Variants in PARD3 observed in about 807,000 individuals in gnomAD.
PARD3 encodes partitioning defective 3 homolog.
Under a neutral mutation model 155.4 loss-of-function variants are expected in PARD3, and 75 were observed. The observed-to-expected ratio is 0.48, with a 90% CI of 0.40 to 0.58. The LOEUF (loss-of-function observed/expected upper bound fraction) is 0.58. Among genes scored for constraint, PARD3 ranks in the 20% least tolerant of loss-of-function variants. The probability of loss-of-function intolerance (pLI) is 0.00; values close to 1 mark genes in which losing one functional copy is unlikely to be tolerated. For missense variants in PARD3, 1,642 were observed against 1,721.7 expected (o/e 0.95, Z 0.82); for synonymous variants, 576 against 610.5 (o/e 0.94, Z 0.83).
intron 22 of PARD3, among the ~76,000 whole-genome samples, chr10:34,249,050 C>CT (rs148069451): frequency 0.035 from 5,357 of 152,148 alleles, 131 homozygotes; most frequent in Non-Finnish European, 0.052. Flanking sequence ...GTGTTTGAAA[C>CT]AGAAATCTAG....
chr10:34,795,977 CAT>C (rs779244594), intron 1 of PARD3, among the ~76,000 whole-genome samples: 12 of 152,114 alleles, frequency 7.9e-5, no homozygotes, highest in African/African-American at 1.7e-4. Flanking sequence ...TGAATTGACA[CAT>C]AGAGACATTG....
rs1478119818 is a variant in PARD3, at chr10:34,602,231, A to G, written c.223-85072T>C. 3.9e-5 allele frequency among the ~76,000 whole-genome samples: 6 copies of G among 152,302 alleles called. No individual in the cohort carries two copies. The East Asian group carries it at 1.2e-3, about 29-fold the overall frequency. On this transcript the variant is annotated intron_variant, in intron 2 of 24. Transcript: ENST00000374788. The stretch of plus-strand genomic sequence containing the variant: ...ACTGGACAGATCAATATATGTTTAC[A>G]CTTTTCACTTTTCAAAAAAAATTTC...
intron 4 of PARD3, 64 bp from the exon 5 acceptor site, chr10:34,450,512 C>G (rs2076998670): frequency 6.8e-7 from 1 of 1,468,722 alleles, no homozygotes; most frequent in African/African-American, 1.4e-5. Flanking sequence ...AGTAATGCAC[C>G]TGGTTTTTCA....
In PARD3 at chr10:34,305,201, G is replaced by C. The variant is rs890440674; in HGVS notation, c.3065+11906C>G. On this transcript the variant is annotated intron_variant, in intron 20 of 24. Transcript: ENST00000374788. ...TATAAATATTATAAATGTCATGGGA[G>C]AAGAAACTAAGAAGGTGAGGTTGTC... 2.0e-5 allele frequency among the ~76,000 whole-genome samples: 3 copies of C among 152,194 alleles called. No homozygotes were observed. In the East Asian group the frequency reaches 5.8e-4, roughly 29 times the overall value.
At chr10:34,290,985 C>A (rs994212034) in intron 20 of PARD3, among the ~76,000 whole-genome samples, 19 of 152,182 alleles carry the variant, frequency 1.2e-4, no homozygotes, top group African/African-American at 4.3e-4. Context: ...TTCCTCTATT[C>A]CTCTGAGTCA....
At chr10:34,288,499 C>T (rs1956512239) in intron 20 of PARD3, among the ~76,000 whole-genome samples, 1 of 152,154 alleles carries the variant, frequency 6.6e-6, no homozygotes, top group Non-Finnish European at 1.5e-5. Context: ...CATATTCACC[C>T]TAATAGCCAA....
At chr10:34,681,731 TA>T (rs1343446934) in intron 2 of PARD3, among the ~76,000 whole-genome samples, 1,543 of 12,548 alleles carry the variant, frequency 0.12, 41 homozygotes, top group South Asian at 0.21. Context: ...GTATGTATTT[TA>T]TATATATATA....
intron 2 of PARD3, among the ~76,000 whole-genome samples, chr10:34,673,676 A>G (rs956741998): frequency 1.3e-5 from 2 of 152,250 alleles, no homozygotes; most frequent in Admixed American, 6.5e-5. Context: ...ACACAATACA[A>G]GTATCCACAC....
chr10:34,113,596 T>G (rs1343918439), intron 24 of PARD3, among the ~76,000 whole-genome samples: 2 of 151,748 alleles, frequency 1.3e-5, no homozygotes, highest in African/African-American at 4.8e-5. Flanking sequence ...TGCTCTTGAT[T>G]AAGGAGAGAA....
At chr10:34,552,002 C>T (rs1406527694) in intron 2 of PARD3, among the ~76,000 whole-genome samples, 1 of 152,212 alleles carries the variant, frequency 6.6e-6, no homozygotes, top group Admixed American at 6.5e-5. Context: ...AAGGAAGATT[C>T]CACATAATAG....
intron 1 of PARD3, among the ~76,000 whole-genome samples, chr10:34,728,081 T>C (rs978846113): frequency 1.3e-5 from 2 of 152,224 alleles, no homozygotes; most frequent in African/African-American, 2.4e-5. Context: ...TATTAGACTC[T>C]AGGCATTTCG....
chr10:34,383,079 A>C (rs1842014267), intron 8 of PARD3, among the ~76,000 whole-genome samples, 157 bp from the exon 9 acceptor site: 1 of 152,232 alleles, frequency 6.6e-6, no homozygotes, highest in African/African-American at 2.4e-5. Context: ...TCAAGTTTGC[A>C]GCTCTGATCT....
intron 1 of PARD3, among the ~76,000 whole-genome samples, chr10:34,752,619 C>T (rs1396101855): frequency 6.6e-6 from 1 of 151,498 alleles, no homozygotes; most frequent in Non-Finnish European, 1.5e-5. Context: ...TTTGTGTGAT[C>T]AAGTGTAATC....
rs745637071 is a variant in PARD3, at chr10:34,447,480, C to CAAAA, written c.714+2833_714+2836dup. ...TGGGCAACAGAGCAAGACTGCGTCT[C>CAAAA]AAAAAAAAAAAAAAAAAAAAAAAAA... On this transcript the variant is annotated intron_variant, in intron 5 of 24. Transcript: ENST00000374788. 2.7e-3 allele frequency among the ~76,000 whole-genome samples: 102 copies of CAAAA among 37,212 alleles called. 22 individuals are homozygous for CAAAA. Among genetic ancestry groups the CAAAA allele is most frequent in the Non-Finnish European group, 3.5e-3 (73 of 20,576 alleles). 24.4% of individuals were successfully genotyped at this position (37,212 alleles called of 152,430 possible).
intron 1 of PARD3, among the ~76,000 whole-genome samples, chr10:34,759,886 G>A (rs1433744727): frequency 1.3e-5 from 2 of 152,144 alleles, no homozygotes; most frequent in Admixed American, 6.5e-5. Flanking sequence ...ATACTGCTGC[G>A]CTTTCTGATT....
At chr10:34,464,680 A>T (rs954932709) in intron 4 of PARD3, among the ~76,000 whole-genome samples, 2 of 152,210 alleles carry the variant, frequency 1.3e-5, no homozygotes, top group Non-Finnish European at 2.9e-5. Context: ...TAAGAACTCA[A>T]CACATAATAT....
intron 1 of PARD3, among the ~76,000 whole-genome samples, chr10:34,744,827 C>A (rs913694334): frequency 3.9e-5 from 6 of 152,186 alleles, no homozygotes; most frequent in African/African-American, 1.4e-4. Context: ...ATCTGAGTGT[C>A]CTGTCTGATA....
At chr10:34,772,548 T>C (rs1234904976) in intron 1 of PARD3, among the ~76,000 whole-genome samples, 1 of 151,024 alleles carries the variant, frequency 6.6e-6, no homozygotes, top group Admixed American at 6.6e-5. Context: ...TCCCAGCACT[T>C]TGGGAGGCTG....
At chr10:34,588,004 T>G (rs1032041472) in intron 2 of PARD3, among the ~76,000 whole-genome samples, 2 of 152,154 alleles carry the variant, frequency 1.3e-5, no homozygotes, top group Non-Finnish European at 2.9e-5. Flanking sequence ...CATTCTGCAT[T>G]ACTAAGATGA....
Sources: allele counts gnomAD v4.1 joint callset (sites outside exome capture counted in the v4.1 genomes callset), GRCh38; gene constraint gnomAD v4.1.1; transcripts MANE v1.5; gene names NCBI Gene and HGNC (gene_info 2026-07-23, HGNC 2026-07-21).